Variants in KCNH8 observed in about 807,000 individuals in gnomAD.
The protein encoded by KCNH8 is voltage-gated delayed rectifier potassium channel KCNH8.
KCNH8 carries 70 observed loss-of-function variants against 103.6 expected under a neutral mutation model. The observed-to-expected ratio is 0.68, with a 90% CI of 0.56 to 0.82. The LOEUF is 0.82. Ranked by LOEUF, KCNH8 falls within the 40% of genes least tolerant of loss-of-function variation. The pLI, the probability that KCNH8 is intolerant of heterozygous loss-of-function variation, is 0.00. For synonymous variants in KCNH8, 498 were observed against 489.4 expected (o/e 1.02, Z -0.23); for missense variants, 1,217 against 1,329.9 (o/e 0.92, Z 1.32).
At chr3:19,205,853 G>T (rs887631083) in intron 1 of KCNH8, among the ~76,000 whole-genome samples, 2 of 151,788 alleles carry the variant, frequency 1.3e-5, no homozygotes, top group African/African-American at 4.8e-5. Flanking sequence ...GGGAACAGGG[G>T]GTATTTGGTT....
At chr3:19,349,137 G>A (rs1432244441) in intron 5 of KCNH8, among the ~76,000 whole-genome samples, 1 of 151,960 alleles carries the variant, frequency 6.6e-6, no homozygotes, top group Non-Finnish European at 1.5e-5. Flanking sequence ...AGATGGCAAT[G>A]TTGTCTAGTT....
At chr3:19,294,363 T>G (rs1188453780) in intron 3 of KCNH8, among the ~76,000 whole-genome samples, 1 of 152,214 alleles carries the variant, frequency 6.6e-6, no homozygotes, top group Non-Finnish European at 1.5e-5. Context: ...GTAATGTTCC[T>G]TTCACTTGCT....
chr3:19,358,507 A>T (rs2065909536), intron 5 of KCNH8, among the ~76,000 whole-genome samples: 1 of 151,972 alleles, frequency 6.6e-6, no homozygotes, highest in Admixed American at 6.6e-5. Context: ...CCAAGATAAA[A>T]CAAAATTTGA....
intron 5 of KCNH8, among the ~76,000 whole-genome samples, chr3:19,373,451 G>A (rs1048754812): frequency 2.0e-5 from 3 of 151,968 alleles, no homozygotes; most frequent in African/African-American, 7.3e-5. Context: ...TGGGATCGGT[G>A]GTTATGTCCC....
intron 7 of KCNH8, among the ~76,000 whole-genome samples, chr3:19,395,794 A>G (rs1226525889): frequency 6.6e-6 from 1 of 152,042 alleles, no homozygotes; most frequent in Admixed American, 6.6e-5. Flanking sequence ...AGTAAACAAA[A>G]TAACACATTC....
chr3:19,515,380 G>T lies in KCNH8; in HGVS notation c.2494G>T (p.Gly832Cys), dbSNP rs755884118. The part of the protein sequence containing the change: ...SSEESQTFDF[G>C]SERIRSEPRI... Reference sequence around the variant, plus strand: ...TGAAGAAAGTCAGACTTTTGATTTTGGCTCTGAACGAATCAGATCAGAGCC... The same window carrying T: ...TGAAGAAAGTCAGACTTTTGATTTTTGCTCTGAACGAATCAGATCAGAGCC... Residue 832 changes from glycine (G) to cysteine (C), a missense_variant, in exon 14 of 16, where the codon GGC becomes TGC. Coordinates refer to ENST00000328405, the MANE Select transcript of KCNH8 (RefSeq NM_144633.3). 1.3e-6 allele frequency: 2 copies of T among 1,585,596 alleles called. No homozygotes were observed. The highest frequency in any genetic ancestry group is 2.3e-5 in the South Asian group (2 of 85,940).
chr3:19,376,276 G>A (rs1036567634), intron 5 of KCNH8, among the ~76,000 whole-genome samples: 1 of 152,194 alleles, frequency 6.6e-6, no homozygotes, highest in Admixed American at 6.5e-5. Context: ...GACCCTCTGA[G>A]CCAGGTGCAG....
At chr3:19,250,583 G>A (rs1253272946) in intron 1 of KCNH8, among the ~76,000 whole-genome samples, 3 of 152,186 alleles carry the variant, frequency 2.0e-5, no homozygotes, top group East Asian at 1.9e-4. Flanking sequence ...TCTTGTTTCC[G>A]TATTCATTTT....
chr3:19,153,605 TTTTC>T (rs1426496989), intron 1 of KCNH8, among the ~76,000 whole-genome samples: 1 of 151,378 alleles, frequency 6.6e-6, no homozygotes, highest in Non-Finnish European at 1.5e-5. Flanking sequence ...TTCTTTTTCT[TTTTC>T]TTTTCTTTTC....
intron 3 of KCNH8, among the ~76,000 whole-genome samples, chr3:19,323,565 G>T (rs1331982243): frequency 2.0e-5 from 3 of 152,172 alleles, no homozygotes; most frequent in Non-Finnish European, 4.4e-5. Context: ...ATCTTTTCGG[G>T]TGTTAAAGAA....
chr3:19,368,822 C>T (rs1366307281), intron 5 of KCNH8, among the ~76,000 whole-genome samples: 1 of 151,854 alleles, frequency 6.6e-6, no homozygotes, highest in Admixed American at 6.6e-5. Context: ...CAGATGGTCT[C>T]GTCAAGAAAA....
chr3:19,169,344 C>G (rs1243339575), intron 1 of KCNH8, among the ~76,000 whole-genome samples: 1 of 150,902 alleles, frequency 6.6e-6, no homozygotes, highest in East Asian at 1.9e-4. Flanking sequence ...CTGCAAGCTC[C>G]GCCTCCCGGG....
chr3:19,431,241 T>C (rs1041783508), intron 7 of KCNH8, among the ~76,000 whole-genome samples: 2 of 152,238 alleles, frequency 1.3e-5, no homozygotes, highest in African/African-American at 4.8e-5. Context: ...ATTGAGATAA[T>C]CGTCTGGTTT....
intron 1 of KCNH8, among the ~76,000 whole-genome samples, chr3:19,160,956 C>G (rs544456248): frequency 1.4e-4 from 21 of 152,130 alleles, no homozygotes; most frequent in African/African-American, 5.1e-4. Flanking sequence ...AAAAAGAAGT[C>G]AGAAAGTGCT....
At chr3:19,243,881 G>A (rs2064172971) in intron 1 of KCNH8, among the ~76,000 whole-genome samples, 1 of 152,104 alleles carries the variant, frequency 6.6e-6, no homozygotes, top group African/African-American at 2.4e-5. Context: ...AGAATCAGGG[G>A]ACAAGTTAAA....
At chr3:19,412,794 C>A (rs2066801560) in intron 7 of KCNH8, among the ~76,000 whole-genome samples, 2 of 151,886 alleles carry the variant, frequency 1.3e-5, no homozygotes, top group Admixed American at 6.6e-5. Flanking sequence ...TATCACTAAT[C>A]ATAAGAGAAA....
At chr3:19,405,107 G>A (rs2066672195) in intron 7 of KCNH8, among the ~76,000 whole-genome samples, 1 of 151,812 alleles carries the variant, frequency 6.6e-6, no homozygotes, top group Non-Finnish European at 1.5e-5. Context: ...GGAAAGGAAT[G>A]CTTTGAGAAC....
chr3:19,366,041 T>TA lies in KCNH8; in HGVS notation c.811+18083dup, dbSNP rs2066007029. ...ATACAGCTTATAACACATCTTTTTT[T>TA]AAAAAAATTACATTATCCTTCGAGC... is the stretch of plus-strand genomic sequence containing the variant. On this transcript the variant is annotated intron_variant, in intron 5 of 15. Coordinates refer to ENST00000328405, the MANE Select transcript of KCNH8 (RefSeq NM_144633.3). Among the ~76,000 whole-genome samples, 4 of 152,042 alleles carry TA rather than the reference T, an allele frequency of 2.6e-5. No individual in the cohort carries two copies. The South Asian group carries it at 8.3e-4, about 31-fold the overall frequency.
At chr3:19,168,593 G>A (rs1182601435) in intron 1 of KCNH8, among the ~76,000 whole-genome samples, 2 of 152,136 alleles carry the variant, frequency 1.3e-5, no homozygotes, top group Non-Finnish European at 2.9e-5. Flanking sequence ...TGATTTGTCT[G>A]AGCAAATGGT....
Sources: gnomAD v4.1 joint callset for allele counts (sites outside exome capture counted in the v4.1 genomes callset) on GRCh38, gnomAD v4.1.1 for gene constraint, MANE v1.5 for transcripts, NCBI Gene and HGNC (gene_info 2026-07-23, HGNC 2026-07-21) for gene names.